ZDHHC3: variants seen among roughly 807,000 people sequenced by gnomAD.
The protein encoded by ZDHHC3 is zDHHC palmitoyltransferase 3, also known as palmitoyltransferase ZDHHC3.
ZDHHC3 carries 9 observed loss-of-function variants against 30.6 expected under a neutral mutation model. The observed-to-expected ratio is 0.29, with a 90% CI of 0.18 to 0.51. The LOEUF (loss-of-function observed/expected upper bound fraction) is 0.51. Among genes scored for constraint, ZDHHC3 ranks in the 20% least tolerant of loss-of-function variants. The probability of loss-of-function intolerance (pLI) is 0.97; values close to 1 mark genes in which losing one functional copy is unlikely to be tolerated. For synonymous variants in ZDHHC3, 136 were observed against 140.2 expected (o/e 0.97, Z 0.21); for missense variants, 246 against 384.2 (o/e 0.64, Z 3.01).
chr3:44,968,733 C>T (rs1224674672), intron 1 of ZDHHC3, among the ~76,000 whole-genome samples: 1 of 152,152 alleles, frequency 6.6e-6, no homozygotes, highest in Non-Finnish European at 1.5e-5. Flanking sequence ...TTGAGCATTC[C>T]TTCTTCTATG....
At chr3:44,951,583 G>A (rs761313761) in intron 2 of ZDHHC3, among the ~76,000 whole-genome samples, 1 of 152,142 alleles carries the variant, frequency 6.6e-6, no homozygotes, top group Non-Finnish European at 1.5e-5. Context: ...TGGAAGATGA[G>A]GCTCAAGTCA....
At position 44,921,022 on chromosome 3, in the gene ZDHHC3, A is replaced by T; in HGVS notation, c.*5667T>A. ...CAAAGTTCTTAAGCTTGAGGTTTGC[A>T]GAGGAGCAGTAATAGTAGCTTCAGG... On this transcript the variant is annotated 3_prime_UTR_variant, in exon 7 of 7. Transcript: ENST00000424952. 2 of 985,480 alleles carry T rather than the reference A, an allele frequency of 2.0e-6. No individual in the cohort carries two copies. Among genetic ancestry groups the T allele is most frequent in the Non-Finnish European group, 2.4e-6 (2 of 829,946 alleles). The allele number at this position is 985,480 out of a possible 1,614,324, so 61.0% of individuals were successfully genotyped here. A position where few individuals can be genotyped will look rare whatever the true frequency, so the allele number is the denominator to read the frequency against.
At chr3:44,939,699 C>T (rs1238857188) in intron 3 of ZDHHC3, among the ~76,000 whole-genome samples, 1 of 152,258 alleles carries the variant, frequency 6.6e-6, no homozygotes, top group East Asian at 1.9e-4. Flanking sequence ...CAAGCTCTTA[C>T]AGCAAAGCTA....
chr3:44,922,282 G>A lies in ZDHHC3; in HGVS notation c.*4407C>T, dbSNP rs2125786907. 2.0e-6 allele frequency: 2 copies of A among 985,444 alleles called. 1 individual carries two copies. The allele number at this position is 985,444 out of a possible 1,614,324, so 61.0% of individuals were successfully genotyped here. ...TATCCAGGCTGCTACAATGCCCCTG[G>A]CTCTAGACTACTCACCGGCCGCCGC... On this transcript the variant is annotated 3_prime_UTR_variant, in exon 7 of 7. Transcript: ENST00000424952.
At chr3:44,958,998 C>G in intron 2 of ZDHHC3, 133 bp downstream of exon 2, 1 of 1,104,408 alleles carries the variant, frequency 9.1e-7, no homozygotes, top group Non-Finnish European at 1.3e-6. Flanking sequence ...AGGCAGAGAT[C>G]TACTTCCTCA....
In ZDHHC3 at chr3:44,920,827, T is replaced by C. The variant is rs1485030164; in HGVS notation, c.*5862A>G. The C allele has an allele frequency of 2.0e-6, 2 of 985,324 alleles. No homozygotes were observed. Among genetic ancestry groups the C allele is most frequent in the African/African-American group, 3.5e-5 (2 of 57,232 alleles). The allele number at this position is 985,324 out of a possible 1,614,324, so 61.0% of individuals were successfully genotyped here. A position where few individuals can be genotyped will look rare whatever the true frequency, so the allele number is the denominator to read the frequency against. The stretch of plus-strand genomic sequence containing the variant: ...TATTCCAGACAGAGCCTGGCCTGTC[T>C]ACCAGAGGTCTTCAGCAGTAAAGTC... On this transcript the variant is annotated 3_prime_UTR_variant, in exon 7 of 7. Coordinates refer to ENST00000424952, the MANE Select transcript of ZDHHC3 (RefSeq NM_001135179.2).
chr3:44,921,226 C>G lies in ZDHHC3; in HGVS notation c.*5463G>C, dbSNP rs1447987306. Reference sequence around the variant, plus strand: ...ATGAATGTATTAGGACTAAGGCTCCCGAGGAAGGAAGAGTCTGTGCAGAAC... The same window carrying G: ...ATGAATGTATTAGGACTAAGGCTCCGGAGGAAGGAAGAGTCTGTGCAGAAC... On this transcript the variant is annotated 3_prime_UTR_variant, in exon 7 of 7. Transcript: ENST00000424952. 1.1e-6 allele frequency: 1 copy of G among 936,870 alleles called. No homozygotes were observed. Among genetic ancestry groups the G allele is most frequent in the Admixed American group, 8.9e-5 (1 of 11,240 alleles). 58.0% of individuals were successfully genotyped at this position (936,870 alleles called of 1,614,324 possible). A position where few individuals can be genotyped will look rare whatever the true frequency, so the allele number is the denominator to read the frequency against.
chr3:44,929,782 A>C (rs1160805210), intron 5 of ZDHHC3, among the ~76,000 whole-genome samples: 3 of 152,192 alleles, frequency 2.0e-5, no homozygotes, highest in African/African-American at 7.2e-5. Context: ...TGACGACACC[A>C]CAGGGGACCC....
intron 1 of ZDHHC3, 69 bp downstream of exon 1, chr3:44,975,864 C>T (rs1169133364): frequency 5.5e-6 from 1 of 180,340 alleles, no homozygotes; most frequent in African/African-American, 2.4e-5. Flanking sequence ...CACTGGGAGT[C>T]CCCCGGCCCG....
Position 44,921,143 on chromosome 3 carries a change from G to C in ZDHHC3, c.*5546C>G. 6.1e-6 allele frequency: 6 copies of C among 985,392 alleles called. No individual in the cohort carries two copies. In the South Asian group the frequency reaches 2.8e-4, roughly 46 times the overall value. 61.0% of individuals were successfully genotyped at this position (985,392 alleles called of 1,614,324 possible). On this transcript the variant is annotated 3_prime_UTR_variant, in exon 7 of 7. Transcript: ENST00000424952. ...GGTGTGTGATGGGCCTTTTGGCCCA[G>C]GTCAGTCTGGGTGACACATGAGCTG...
At chr3:44,948,108 T>C (rs6785961) in intron 2 of ZDHHC3, among the ~76,000 whole-genome samples, 88,904 of 152,048 alleles carry the variant, frequency 0.58, 27,168 homozygotes, top group East Asian at 0.9. Context: ...GAAGTCAGTG[T>C]AACATCAGAA....
chr3:44,926,116 T>G lies in ZDHHC3; in HGVS notation c.*573A>C. 1 of 985,908 alleles carries G rather than the reference T, an allele frequency of 1.0e-6. No homozygotes were observed. The highest frequency in any genetic ancestry group is 1.2e-6 in the Non-Finnish European group (1 of 829,988). The allele number at this position is 985,908 out of a possible 1,614,324, so 61.1% of individuals were successfully genotyped here. Reference sequence around the variant, plus strand: ...TAAAGTACAAGGCAGGCAATTGCTTTGCGAGTTAGCAGGCAAACCGTGTCC... The same window carrying G: ...TAAAGTACAAGGCAGGCAATTGCTTGGCGAGTTAGCAGGCAAACCGTGTCC... On this transcript the variant is annotated 3_prime_UTR_variant, in exon 7 of 7. Transcript: ENST00000424952.
At chr3:44,946,480 A>G (rs1702943800) in intron 2 of ZDHHC3, among the ~76,000 whole-genome samples, 1 of 152,202 alleles carries the variant, frequency 6.6e-6, no homozygotes, top group African/African-American at 2.4e-5. Flanking sequence ...CAGGAATCAC[A>G]GGAGGTCCCT....
rs924569797 is a variant in ZDHHC3 at position 44,925,947 on chromosome 3, G to A, written c.*742C>T. On this transcript the variant is annotated 3_prime_UTR_variant, in exon 7 of 7. Coordinates refer to ENST00000424952, the MANE Select transcript of ZDHHC3 (RefSeq NM_001135179.2). Reference sequence around the variant, plus strand: ...TTTTTTTTCCTCTTGATTGTATAAGGCATTTTGAACTGGAAAAACGTCTTT... The same window carrying A: ...TTTTTTTTCCTCTTGATTGTATAAGACATTTTGAACTGGAAAAACGTCTTT... The A allele has an allele frequency of 8.3e-5, 82 of 985,578 alleles. No individual in the cohort carries two copies. The highest frequency in any genetic ancestry group is 9.5e-5 in the Non-Finnish European group (79 of 829,910). 61.1% of individuals were successfully genotyped at this position (985,578 alleles called of 1,614,324 possible).
chr3:44,964,225 G>A lies in ZDHHC3; in HGVS notation c.-24-4765C>T, dbSNP rs373627548. On this transcript the variant is annotated intron_variant, in intron 1 of 6. Transcript: ENST00000424952. ...GGGACAAATAGTACCAGAAAAACCC[G>A]AACACCAAAAGCAACAAAACCCCAA... Among the ~76,000 whole-genome samples, 12 of 152,086 alleles carry A rather than the reference G, an allele frequency of 7.9e-5. No homozygotes were observed. The East Asian group carries it at 9.6e-4, about 12-fold the overall frequency.
In ZDHHC3 at chr3:44,918,650, A is replaced by G; in HGVS notation, c.*8039T>C. The G allele has an allele frequency of 4.0e-6, 4 of 1,001,188 alleles. No homozygotes were observed. In the South Asian group the frequency reaches 1.7e-4, roughly 43 times the overall value. 62.0% of individuals were successfully genotyped at this position (1,001,188 alleles called of 1,614,324 possible). On this transcript the variant is annotated 3_prime_UTR_variant, in exon 7 of 7. Transcript: ENST00000424952. The stretch of plus-strand genomic sequence containing the variant: ...AGGACACAAACAGCATGCGAGGTGA[A>G]GAAGCGGGTGCTCGTACAGCAAGTG...
intron 1 of ZDHHC3, among the ~76,000 whole-genome samples, chr3:44,971,452 G>A (rs768410327): frequency 6.6e-6 from 1 of 152,220 alleles, no homozygotes; most frequent in Non-Finnish European, 1.5e-5. Context: ...ATCTGCTTCC[G>A]AGGAGGAAAG....
Position 44,918,514 on chromosome 3 carries a change from T to C in ZDHHC3, c.*8175A>G. 6.1e-6 allele frequency: 6 copies of C among 985,434 alleles called. No homozygotes were observed. The highest frequency in any genetic ancestry group is 7.2e-6 in the Non-Finnish European group (6 of 829,930). The allele number at this position is 985,434 out of a possible 1,614,324, so 61.0% of individuals were successfully genotyped here. A position where few individuals can be genotyped will look rare whatever the true frequency, so the allele number is the denominator to read the frequency against. ...GGCATAAGGGGGACCACACATCCTC[T>C]GAGGCCACTACAAACTGGTGATCCC... On this transcript the variant is annotated 3_prime_UTR_variant, in exon 7 of 7. Transcript: ENST00000424952.
rs1174489377 is a variant in ZDHHC3, at chr3:44,976,119, G to C, written c.-211C>G. ...GGGCGGCGCGCAGGAGAAGCCCATC[G>C]AGCTCTCCCGGCAGTGGCGGCGGCC... On this transcript the variant is annotated 5_prime_UTR_variant, in exon 1 of 7. Transcript: ENST00000424952. 2.0e-6 allele frequency: 1 copy of C among 508,154 alleles called. No homozygotes were observed. The highest frequency in any genetic ancestry group is 3.2e-6 in the Non-Finnish European group (1 of 310,714). The allele number at this position is 508,154 out of a possible 1,614,324, so 31.5% of individuals were successfully genotyped here.
Sources: allele counts gnomAD v4.1 joint callset (sites outside exome capture counted in the v4.1 genomes callset), GRCh38; gene constraint gnomAD v4.1.1; transcripts MANE v1.5; gene names NCBI Gene and HGNC (gene_info 2026-07-23, HGNC 2026-07-21).